Variants in FMN1 observed in about 807,000 individuals in gnomAD.
The protein encoded by FMN1 is formin 1, also known as formin-1.
Under a neutral mutation model 132.4 loss-of-function variants are expected in FMN1, and 110 were observed. The ratio of observed to expected loss-of-function variants is 0.83; its 90% CI spans 0.71 to 0.97. The LOEUF is 0.97. FMN1 is among the 50% of genes least tolerant of loss of function. The probability of loss-of-function intolerance (pLI) is 0.00; values close to 1 mark genes in which losing one functional copy is unlikely to be tolerated. For synonymous variants in FMN1, 722 were observed against 651.7 expected (o/e 1.11, Z -1.64); for missense variants, 1,792 against 1,705.3 (o/e 1.05, Z -0.90).
At chr15:32,789,799 T>C (rs572682055) in intron 19 of FMN1, among the ~76,000 whole-genome samples, 1 of 152,308 alleles carries the variant, frequency 6.6e-6, no homozygotes, top group South Asian at 2.1e-4. Flanking sequence ...ATACTGTATT[T>C]TTACTGTACC....
intron 6 of FMN1, among the ~76,000 whole-genome samples, chr15:33,055,238 T>C (rs1381175616): frequency 1.3e-5 from 2 of 152,204 alleles, no homozygotes; most frequent in Non-Finnish European, 2.9e-5. Flanking sequence ...TCTCTACTGA[T>C]AATAGTAACT....
At chr15:32,981,591 C>A (rs1376571288) in intron 7 of FMN1, among the ~76,000 whole-genome samples, 1 of 149,948 alleles carries the variant, frequency 6.7e-6, no homozygotes, top group African/African-American at 2.4e-5. Context: ...TAAGACTCAA[C>A]AGCCTTTGAG....
intron 6 of FMN1, chr15:33,063,617 A>G (rs2037585229): frequency 6.6e-6 from 1 of 152,154 alleles, no homozygotes; most frequent in Non-Finnish European, 1.5e-5. Context: ...ATACAGTCAT[A>G]TATGTAATTA....
intron 17 of FMN1, among the ~76,000 whole-genome samples, chr15:32,854,924 A>AC (rs938421939): frequency 4.6e-5 from 7 of 151,286 alleles, no homozygotes; most frequent in Non-Finnish European, 8.8e-5. Context: ...CAAAAAAAAA[A>AC]ACAAAAAACA....
intron 17 of FMN1, among the ~76,000 whole-genome samples, chr15:32,846,120 C>A (rs958125561): frequency 6.6e-6 from 1 of 152,162 alleles, no homozygotes; most frequent in African/African-American, 2.4e-5. Context: ...TTGTGCCTAT[C>A]GTTAATAAGA....
Position 33,153,655 on chromosome 15 carries a change from G to T in FMN1, c.1260C>A (p.Val420=). The T allele has an allele frequency of 6.5e-7, 1 of 1,536,326 alleles. No homozygotes were observed. The highest frequency in any genetic ancestry group is 1.2e-5 in the South Asian group (1 of 84,068). The change falls in exon 4 of 21, where the codon GTC becomes GTA. Residue 420 remains valine (V), a synonymous_variant. Transcript: ENST00000616417. ...TCTCACTCTCTATCACCTTCAGGGG[G>T]ACCTTGTTCACGGCCCCCTCGGCAC... ...SASAEGAVNK[V]PLKVIESEKL...
chr15:33,154,226 A>G lies in FMN1; in HGVS notation c.689T>C (p.Leu230Pro). The change falls in exon 4 of 21, where the codon CTG (leucine) becomes CCG (proline). Residue 230 changes from leucine to proline, a missense_variant. Coordinates refer to ENST00000616417, the MANE Select transcript of FMN1 (RefSeq NM_001277313.2). The stretch of plus-strand genomic sequence containing the variant: ...TGGGGGGCAGCTCTCTCTCCTCTGC[A>G]GGGAGCAGGCAAGTGCCCCATTCGG... ...LLPNGALACSLQRRESCPPDI... is the reference protein window; with the variant it reads ...LLPNGALACSPQRRESCPPDI... 2 of 1,536,230 alleles carry G rather than the reference A, an allele frequency of 1.3e-6. No homozygotes were observed. The highest frequency in any genetic ancestry group is 1.7e-6 in the Non-Finnish European group (2 of 1,146,950).
intron 16 of FMN1, among the ~76,000 whole-genome samples, chr15:32,867,674 G>A (rs2059423589): frequency 6.6e-6 from 1 of 152,066 alleles, no homozygotes; most frequent in Non-Finnish European, 1.5e-5. Flanking sequence ...TGTATTTTTA[G>A]TAGAGACGGG....
intron 16 of FMN1, among the ~76,000 whole-genome samples, chr15:32,864,835 A>T (rs2059354632): frequency 6.6e-6 from 1 of 152,236 alleles, no homozygotes; most frequent in Non-Finnish European, 1.5e-5. Flanking sequence ...GTATACTCCA[A>T]GAAGTAGAAA....
At chr15:33,118,857 A>G (rs1404194143) in intron 4 of FMN1, among the ~76,000 whole-genome samples, 2 of 152,018 alleles carry the variant, frequency 1.3e-5, no homozygotes, top group Non-Finnish European at 2.9e-5. Context: ...TTCATACTCC[A>G]AAGTCTTTAT....
In FMN1 at chr15:32,798,811, T is replaced by C. The variant is rs1487633590; in HGVS notation, c.4123A>G (p.Lys1375Glu). 6.2e-7 allele frequency: 1 copy of C among 1,611,860 alleles called. No homozygotes were observed. Among genetic ancestry groups the C allele is most frequent in the Admixed American group, 1.7e-5 (1 of 59,676 alleles). The change falls in exon 19 of 21, where the codon AAA becomes GAA. Residue 1375 changes from lysine to glutamate, a missense_variant. By Grantham distance (56) the Lys-to-Glu change is moderately conservative. Transcript: ENST00000616417. ...TCTTTTTTTGAACCTTACCTTTCTT[T>C]AGATATGTTTTTACTCTCCCGTTTC... ...IWKRESKNIS[K>E]ERLKMAQESV... is the part of the protein sequence containing the mutation.
At chr15:32,805,832 G>C (rs1263881638) in intron 17 of FMN1, among the ~76,000 whole-genome samples, 5 of 152,074 alleles carry the variant, frequency 3.3e-5, no homozygotes, top group Non-Finnish European at 5.9e-5. Context: ...GGCCCTTTTG[G>C]CAGTCTAGGG....
At chr15:32,898,687 T>TCA in intron 15 of FMN1, 147 bp downstream of exon 15, 2 of 549,460 alleles carry the variant, frequency 3.6e-6, no homozygotes, top group East Asian at 5.8e-5. Flanking sequence ...TCTCTTGGTT[T>TCA]CAGTGTGCTC....
intron 6 of FMN1, among the ~76,000 whole-genome samples, chr15:33,009,890 T>C (rs1164518996): frequency 6.6e-6 from 1 of 150,814 alleles, no homozygotes; most frequent in Non-Finnish European, 1.5e-5. Context: ...GAATCTTTTT[T>C]TTGTTTGTTT....
intron 17 of FMN1, among the ~76,000 whole-genome samples, chr15:32,845,690 A>G (rs1471036529): frequency 6.6e-6 from 1 of 152,202 alleles, no homozygotes; most frequent in East Asian, 1.9e-4. Context: ...AATTAAATGA[A>G]GTGCTATGCA....
At chr15:33,083,083 T>C (rs1221747503) in intron 5 of FMN1, among the ~76,000 whole-genome samples, 1 of 152,164 alleles carries the variant, frequency 6.6e-6, no homozygotes, top group Non-Finnish European at 1.5e-5. Flanking sequence ...CAGTCTAGCA[T>C]CTACACCAAA....
At chr15:32,980,722 C>T (rs2140764363) in intron 7 of FMN1, among the ~76,000 whole-genome samples, 1 of 152,156 alleles carries the variant, frequency 6.6e-6, no homozygotes, top group Admixed American at 6.5e-5. Context: ...GTCTATTTTC[C>T]TTCCTTTTCT....
chr15:33,071,454 C>A (rs1867475193), intron 5 of FMN1, among the ~76,000 whole-genome samples: 5 of 152,178 alleles, frequency 3.3e-5, no homozygotes, highest in Admixed American at 2.0e-4. Flanking sequence ...TGAGCACCAA[C>A]AATGAATGAG....
intron 18 of FMN1, 70 bp downstream of exon 18, chr15:32,804,211 C>A (rs2057578660): frequency 1.0e-5 from 11 of 1,081,706 alleles, no homozygotes; most frequent in Non-Finnish European, 8.2e-6. Context: ...AAAATGAATG[C>A]ACTTCATAAT....
Sources: allele counts gnomAD v4.1 joint callset (sites outside exome capture counted in the v4.1 genomes callset), GRCh38; gene constraint gnomAD v4.1.1; transcripts MANE v1.5; gene names NCBI Gene and HGNC (gene_info 2026-07-23, HGNC 2026-07-21).